The following TSN variants were observed in gnomAD, a reference collection of about 807,000 sequenced individuals.
TSN encodes component 3 of promoter of RISC.
TSN carries 5 observed loss-of-function variants against 29.4 expected under a neutral mutation model. That is an observed-to-expected ratio of 0.17 (90% CI 0.09 to 0.36). The LOEUF (loss-of-function observed/expected upper bound fraction) is 0.36, where lower values mean the gene tolerates loss of function less well. TSN is among the 10% of genes least tolerant of loss of function. TSN has a pLI of 1.00. For synonymous variants in TSN, 106 were observed against 102.2 expected, an observed-to-expected ratio of 1.04 and a Z score of -0.23; for missense variants, 159 against 272.8, an observed-to-expected ratio of 0.58 and a Z score of 2.94.
rs2074886181 is a variant in TSN, at chr2:121,765,116, T to A, written c.454-18T>A. Reference sequence around the variant, plus strand: ...AGCCATGTTGTAACAAGCCCCTGTTTTCTCTTTCCTGGTACAGTCGAGGCT... The same window carrying A: ...AGCCATGTTGTAACAAGCCCCTGTTATCTCTTTCCTGGTACAGTCGAGGCT... On this transcript the variant is annotated intron_variant, in intron 5 of 5. Coordinates refer to ENST00000389682, the MANE Select transcript of TSN (RefSeq NM_004622.3). 6.2e-7 allele frequency: 1 copy of A among 1,612,300 alleles called. No individual in the cohort carries two copies. The highest frequency in any genetic ancestry group is 2.2e-5 in the East Asian group (1 of 44,860).
intron 5 of TSN, among the ~76,000 whole-genome samples, chr2:121,764,012 T>A (rs531588426): frequency 6.6e-6 from 1 of 152,308 alleles, no homozygotes; most frequent in South Asian, 2.1e-4. Context: ...TAGTCACATC[T>A]TCACTCTAGC....
chr2:121,763,491 TC>T (rs1161932618), intron 5 of TSN, among the ~76,000 whole-genome samples: 3 of 152,060 alleles, frequency 2.0e-5, no homozygotes, highest in African/African-American at 7.2e-5. Flanking sequence ...ACGTCTTAAT[TC>T]TTTTCTAAGC....
chr2:121,762,779 A>G (rs1317493541), intron 4 of TSN, among the ~76,000 whole-genome samples: 1 of 152,330 alleles, frequency 6.6e-6, no homozygotes, highest in South Asian at 2.1e-4. Flanking sequence ...ACAACTAGAT[A>G]CTGTTTTTGA....
At chr2:121,756,154 G>A in intron 1 of TSN, 2 of 454,142 alleles carry the variant, frequency 4.4e-6, no homozygotes, top group Non-Finnish European at 8.0e-6. Context: ...AGCGTTTCGT[G>A]TATTTTTGTT....
In TSN at chr2:121,761,514, A is replaced by G. The variant is rs1278901260; in HGVS notation, c.363A>G (p.Glu121=). ...ETLVTREAVT[E]ILGIEPDREK... ...TAGTGACTCGAGAAGCAGTTACAGA[A>G]ATTCTTGGCAGTAAGTGTCTTTATT... The change falls in exon 4 of 6, where the codon GAA becomes GAG. Residue 121 remains glutamate, a synonymous_variant. Coordinates refer to ENST00000389682, the MANE Select transcript of TSN (RefSeq NM_004622.3). The G allele has an allele frequency of 6.2e-7, 1 of 1,613,438 alleles. No homozygotes were observed. Among genetic ancestry groups the G allele is most frequent in the Non-Finnish European group, 8.5e-7 (1 of 1,179,346 alleles).
chr2:121,758,834 T>A (rs2074782995), intron 3 of TSN, 28 bp downstream of exon 3: 1 of 1,427,036 alleles, frequency 7.0e-7, no homozygotes, highest in South Asian at 1.5e-5. Flanking sequence ...CATTATTTTA[T>A]AATGTTAAGT....
rs959017304 is a variant in TSN at position 121,765,264 on chromosome 2, A to G, written c.584A>G (p.Tyr195Cys). 1.2e-6 allele frequency: 2 copies of G among 1,614,220 alleles called. No homozygotes were observed. Residue 195 changes from tyrosine to cysteine, a missense_variant, in exon 6 of 6, where the codon TAC becomes TGC. This residue lies in a region of TSN where 85 missense variants were observed against 178.1 expected (regional missense o/e 0.48). Transcript: ENST00000389682. ...NLKNDSLRKR[Y>C]DGLKYDVKKV... ...AAAAATGACTCCCTGAGGAAGCGCTACGACGGATTGAAATATGACGTGAAG... is the reference window on the plus strand; with the variant it reads ...AAAAATGACTCCCTGAGGAAGCGCTGCGACGGATTGAAATATGACGTGAAG...
chr2:121,765,126 TG>T lies in TSN; in HGVS notation c.454-6del, dbSNP rs1211325805. 10 of 1,613,700 alleles carry T rather than the reference TG, an allele frequency of 6.2e-6. No homozygotes were observed. In the Middle Eastern group the frequency reaches 1.5e-3, roughly 239 times the overall value. ...TAACAAGCCCCTGTTTTCTCTTTCC[TG>T]GTACAGTCGAGGCTGTCTGTCAACA... On this transcript the variant is annotated splice_polypyrimidine_tract_variant and splice_region_variant and intron_variant, in intron 5 of 5. Transcript: ENST00000389682.
At chr2:121,757,187 T>G (rs1393709921) in intron 1 of TSN, 53 bp from the exon 2 acceptor site, 2 of 1,514,564 alleles carry the variant, frequency 1.3e-6, no homozygotes, top group Admixed American at 1.7e-5. Context: ...TTTGTGTGAG[T>G]GTATGACAAT....
intron 1 of TSN, among the ~76,000 whole-genome samples, chr2:121,757,018 A>C: frequency 6.6e-6 from 1 of 152,176 alleles, no homozygotes; most frequent in Non-Finnish European, 1.5e-5. Flanking sequence ...ATAATGTCCC[A>C]ATTGAATACT....
rs2074736227 is a variant in TSN at position 121,755,767 on chromosome 2, T to C, written c.-13T>C. The C allele has an allele frequency of 6.2e-7, 1 of 1,613,448 alleles. No individual in the cohort carries two copies. The highest frequency in any genetic ancestry group is 8.5e-7 in the Non-Finnish European group (1 of 1,180,026). On this transcript the variant is annotated 5_prime_UTR_variant, in exon 1 of 6. Coordinates refer to ENST00000389682, the MANE Select transcript of TSN (RefSeq NM_004622.3). ...CCCTTGCTACACTGGCTGATTGTTG[T>C]GCAGCCGGCGCCATGTCTGTGAGCG... is the stretch of plus-strand genomic sequence containing the variant.
intron 3 of TSN, among the ~76,000 whole-genome samples, chr2:121,761,097 T>G (rs938636946): frequency 2.3e-4 from 35 of 152,280 alleles, no homozygotes; most frequent in African/African-American, 7.7e-4. Context: ...CTTGAACTCC[T>G]TACCTCAGAT....
chr2:121,761,301 T>G (rs2074824519), intron 3 of TSN, 108 bp from the exon 4 acceptor site: 2 of 747,788 alleles, frequency 2.7e-6, no homozygotes, highest in African/African-American at 3.5e-5. Context: ...GTGTAAGATT[T>G]TATTTGAAAA....
intron 3 of TSN, among the ~76,000 whole-genome samples, chr2:121,760,115 C>T (rs532790625): frequency 1.3e-5 from 2 of 152,318 alleles, no homozygotes; most frequent in South Asian, 4.1e-4. Flanking sequence ...GAAGCTTCAT[C>T]TGTATTTACA....
intron 1 of TSN, chr2:121,756,088 C>A: frequency 1.3e-6 from 1 of 747,288 alleles, no homozygotes; most frequent in Non-Finnish European, 2.1e-6. Flanking sequence ...AGTTTTCCTT[C>A]TTTTCAGCAC....
chr2:121,764,863 A>G (rs2074881955), intron 5 of TSN, among the ~76,000 whole-genome samples: 1 of 152,214 alleles, frequency 6.6e-6, no homozygotes, highest in Admixed American at 6.5e-5. Context: ...ATGCTTGTGT[A>G]ATGTAACACT....
chr2:121,755,803 G>A lies in TSN; in HGVS notation c.24G>A (p.Val8=). 1 of 1,614,066 alleles carries A rather than the reference G, an allele frequency of 6.2e-7. No individual in the cohort carries two copies. ...CCATGTCTGTGAGCGAGATCTTCGT[G>A]GAGCTGCAGGGCTTTTTGGCTGCCG... MSVSEIF[V]ELQGFLAAEQ... The change falls in exon 1 of 6, where the codon GTG becomes GTA. Residue 8 remains valine, a synonymous_variant. Coordinates refer to ENST00000389682, the MANE Select transcript of TSN (RefSeq NM_004622.3).
At chr2:121,758,015 TTGTGTGTG>T (rs963979931) in intron 2 of TSN, among the ~76,000 whole-genome samples, 2 of 150,248 alleles carry the variant, frequency 1.3e-5, no homozygotes, top group African/African-American at 4.9e-5. Flanking sequence ...ATTTGGCCCT[TTGTGTGTG>T]TGTGTGTGTA....
chr2:121,763,408 G>A (rs1466956812), intron 5 of TSN, among the ~76,000 whole-genome samples: 1 of 152,142 alleles, frequency 6.6e-6, no homozygotes, highest in African/African-American at 2.4e-5. Flanking sequence ...GCCTCCCAGA[G>A]TGCTGGGATT....
Sources: gnomAD v4.1 joint callset for allele counts (sites outside exome capture counted in the v4.1 genomes callset) on GRCh38, gnomAD v4.1.1 for gene constraint, gnomAD v4.1.1 regional missense constraint, MANE v1.5 for transcripts, NCBI Gene and HGNC (gene_info 2026-07-23, HGNC 2026-07-21) for gene names.